USP16: variants seen among roughly 807,000 people sequenced by gnomAD.
The protein encoded by USP16 is ubiquitin carboxyl-terminal hydrolase 16.
Under a neutral mutation model 95.9 loss-of-function variants are expected in USP16, and 77 were observed. The observed-to-expected ratio is 0.80, with a 90% CI of 0.67 to 0.97. The LOEUF is 0.97. Among genes scored for constraint, USP16 ranks in the 50% least tolerant of loss-of-function variants. The pLI is 0.00. For synonymous variants in USP16, 303 were observed against 318.2 expected (o/e 0.95, Z 0.51); for missense variants, 943 against 959.9 (o/e 0.98, Z 0.23).
intron 1 of USP16, 124 bp downstream of exon 1, chr21:29,024,901 G>C: frequency 9.5e-7 from 1 of 1,047,420 alleles, no homozygotes; most frequent in Non-Finnish European, 1.2e-6. Flanking sequence ...CACGTAACCC[G>C]GCTACTTTCC....
In USP16 at chr21:29,034,700, A is replaced by G. The variant is rs142921353; in HGVS notation, c.241-137A>G. 30 of 742,536 alleles carry G rather than the reference A, an allele frequency of 4.0e-5. No homozygotes were observed. In the East Asian group the frequency reaches 7.8e-4, roughly 19 times the overall value. 46.0% of individuals were successfully genotyped at this position (742,536 alleles called of 1,614,324 possible). A position where few individuals can be genotyped will look rare whatever the true frequency, so the allele number is the denominator to read the frequency against. On this transcript the variant is annotated intron_variant, in intron 3 of 17. Coordinates refer to ENST00000399976, the MANE Select transcript of USP16 (RefSeq NM_006447.3). ...TAAGTTTTAACAAAATATTGATTCT[A>G]GAGTCTAACATTTTCTTTTCAAGAT...
Position 29,024,860 on chromosome 21 carries a change from C to A in USP16, c.-42+83C>A, listed in dbSNP as rs540056347. 4 of 1,204,750 alleles carry A rather than the reference C, an allele frequency of 3.3e-6. No individual in the cohort carries two copies. In the African/African-American group the frequency reaches 4.7e-5, roughly 14 times the overall value. 74.6% of individuals were successfully genotyped at this position (1,204,750 alleles called of 1,614,324 possible). A position where few individuals can be genotyped will look rare whatever the true frequency, so the allele number is the denominator to read the frequency against. On this transcript the variant is annotated intron_variant, in intron 1 of 17. Coordinates refer to ENST00000399976, the MANE Select transcript of USP16 (RefSeq NM_006447.3). Reference sequence around the variant, plus strand: ...GAGCTCCTGTTTTCCGCCCCAACTTCGTTCTCTTCTTGAAGGCCGCTCTCC... The same window carrying A: ...GAGCTCCTGTTTTCCGCCCCAACTTAGTTCTCTTCTTGAAGGCCGCTCTCC...
chr21:29,051,628 C>G (rs1418054639), intron 16 of USP16, among the ~76,000 whole-genome samples: 1 of 152,102 alleles, frequency 6.6e-6, no homozygotes, highest in Non-Finnish European at 1.5e-5. Context: ...GTGAGGAGTT[C>G]GAGACCAGCC....
chr21:29,046,904 A>G lies in USP16; in HGVS notation c.1594A>G (p.Thr532Ala). ...AAGTGTAACTGACAATCAAAAATCCACAGAGGAAGTAGATATGAAAAATAT... is the reference window on the plus strand; with the variant it reads ...AAGTGTAACTGACAATCAAAAATCCGCAGAGGAAGTAGATATGAAAAATAT... ...IESVTDNQKS[T>A]EEVDMKNINM... is the part of the protein sequence containing the mutation. The change falls in exon 14 of 18, where the codon ACA becomes GCA. Residue 532 changes from threonine (T) to alanine (A), a missense_variant. Thr to Ala is a moderately conservative substitution (Grantham distance 58, BLOSUM62 0). Coordinates refer to ENST00000399976, the MANE Select transcript of USP16 (RefSeq NM_006447.3). The G allele has an allele frequency of 3.1e-6, 5 of 1,614,210 alleles. 1 individual carries two copies. The highest frequency in any genetic ancestry group is 1.1e-5 in the South Asian group (1 of 91,084).
chr21:29,052,247 G>A (rs1448356024), intron 16 of USP16: 2 of 152,158 alleles, frequency 1.3e-5, no homozygotes, highest in Non-Finnish European at 2.9e-5. Context: ...CTGCATATGG[G>A]AATTATATTA....
At chr21:29,049,587 T>C (rs760132502) in intron 15 of USP16, among the ~76,000 whole-genome samples, 1 of 152,174 alleles carries the variant, frequency 6.6e-6, no homozygotes, top group Non-Finnish European at 1.5e-5. Context: ...TTTGAAACAG[T>C]CTTGTTCTGT....
At chr21:29,039,688 T>G (rs1419156617) in intron 9 of USP16, 120 bp downstream of exon 9, 1 of 945,288 alleles carries the variant, frequency 1.1e-6, no homozygotes, top group Non-Finnish European at 1.5e-6. Flanking sequence ...ACTTTAAAAT[T>G]TTTTCTTACA....
intron 10 of USP16, among the ~76,000 whole-genome samples, chr21:29,041,105 A>G (rs2085236896): frequency 6.6e-6 from 1 of 152,168 alleles, no homozygotes; most frequent in African/African-American, 2.4e-5. Context: ...GCTGTTCCAT[A>G]TAGAAGCAAC....
intron 2 of USP16, among the ~76,000 whole-genome samples, chr21:29,030,260 A>G (rs2085058025): frequency 1.3e-5 from 2 of 152,184 alleles, no homozygotes; most frequent in Non-Finnish European, 2.9e-5. Flanking sequence ...GACGTTTTCT[A>G]CAAATCTTTA....
intron 16 of USP16, chr21:29,053,428 C>T (rs2085446176): frequency 5.7e-6 from 1 of 174,692 alleles, no homozygotes; most frequent in Non-Finnish European, 1.2e-5. Context: ...ATACTGTTCT[C>T]TTCCTGTTCA....
Position 29,054,065 on chromosome 21 carries a change from G to C in USP16, c.2351-1G>C. The C allele has an allele frequency of 1.2e-6, 2 of 1,614,098 alleles. No homozygotes were observed. The highest frequency in any genetic ancestry group is 1.7e-6 in the Non-Finnish European group (2 of 1,179,980). The stretch of plus-strand genomic sequence containing the variant: ...TTTGATTTTTCATTTTCTCATGACA[G>C]ATTTTGAAATGGAATCAAAAGGGCA... On this transcript the variant is annotated splice_acceptor_variant, in intron 17 of 17. Coordinates refer to ENST00000399976, the MANE Select transcript of USP16 (RefSeq NM_006447.3). LOFTEE classifies it high-confidence loss of function.
At chr21:29,034,312 T>C (rs1302076321) in intron 3 of USP16, among the ~76,000 whole-genome samples, 2 of 151,634 alleles carry the variant, frequency 1.3e-5, no homozygotes, top group East Asian at 3.9e-4. Context: ...CTTTTTTTTT[T>C]TTTTTTTATT....
intron 5 of USP16, 73 bp downstream of exon 5, chr21:29,036,447 C>G: frequency 7.3e-7 from 1 of 1,368,158 alleles, no homozygotes; most frequent in Non-Finnish European, 1.0e-6. Context: ...ATTTGTTATA[C>G]TACCTAGCAT....
chr21:29,030,345 G>A (rs1417991919), intron 2 of USP16, among the ~76,000 whole-genome samples: 9 of 152,178 alleles, frequency 5.9e-5, no homozygotes, highest in Admixed American at 5.2e-4. Context: ...AAATGAATTT[G>A]TAGTGGGGGA....
chr21:29,047,172 C>T lies in USP16; in HGVS notation c.1862C>T (p.Ala621Val). The change falls in exon 14 of 18, where the codon GCA (alanine) becomes GTA (valine). Residue 621 changes from alanine (A) to valine (V), a missense_variant. By Grantham distance (64) the Ala-to-Val change is moderately conservative (BLOSUM62 0). Transcript: ENST00000399976. ...CCAGAAACTGCTTTCTGTACTCTTG[C>T]AAACAGGGAAGTTTTCAATACTGAT... is the stretch of plus-strand genomic sequence containing the variant. Reference protein sequence around the residue: ...EDPETAFCTLANREVFNTDEC... With the variant: ...EDPETAFCTLVNREVFNTDEC... 6.2e-7 allele frequency: 1 copy of T among 1,614,122 alleles called. No homozygotes were observed. Among genetic ancestry groups the T allele is most frequent in the Non-Finnish European group, 8.5e-7 (1 of 1,180,020 alleles).
intron 2 of USP16, among the ~76,000 whole-genome samples, chr21:29,029,874 T>C (rs1402957489): frequency 6.6e-6 from 1 of 152,238 alleles, no homozygotes; most frequent in East Asian, 1.9e-4. Flanking sequence ...TACTAAATCT[T>C]AGTTTTCTCA....
intron 4 of USP16, 95 bp downstream of exon 4, chr21:29,035,035 AT>A: frequency 8.3e-7 from 1 of 1,208,012 alleles, no homozygotes; most frequent in East Asian, 2.5e-5. Context: ...GCAATTTAAA[AT>A]TTTTGTAGTA....
intron 16 of USP16, chr21:29,052,182 G>A (rs2085425634): frequency 6.6e-6 from 1 of 152,244 alleles, no homozygotes; most frequent in Non-Finnish European, 1.5e-5. Flanking sequence ...TAAACTCTCA[G>A]GTGATGCTGA....
chr21:29,042,157 C>A, intron 11 of USP16, 53 bp downstream of exon 11: 2 of 1,476,582 alleles, frequency 1.4e-6, no homozygotes, highest in South Asian at 1.2e-5. Flanking sequence ...AACAGTTTAT[C>A]AATTGTTTAT....
Sources: gnomAD v4.1 joint callset for allele counts (sites outside exome capture counted in the v4.1 genomes callset) on GRCh38, gnomAD v4.1.1 for gene constraint, MANE v1.5 for transcripts, NCBI Gene and HGNC (gene_info 2026-07-23, HGNC 2026-07-21) for gene names.